EXOC4: variants seen among roughly 807,000 people sequenced by gnomAD.
EXOC4 encodes the protein SEC8-like 1.
Under a neutral mutation model 107.2 loss-of-function variants are expected in EXOC4, and 71 were observed. The ratio of observed to expected loss-of-function variants is 0.66; its 90% CI spans 0.55 to 0.81. EXOC4 has a LOEUF of 0.81. EXOC4 is among the 30% of genes least tolerant of loss of function. The probability of loss-of-function intolerance (pLI) is 0.00; values close to 1 mark genes in which losing one functional copy is unlikely to be tolerated. For missense variants in EXOC4, 1,108 were observed against 1,189.6 expected, an observed-to-expected ratio of 0.93 and a Z score of 1.01; for synonymous variants, 456 against 441.2, an observed-to-expected ratio of 1.03 and a Z score of -0.42.
chr7:133,454,800 A>G (rs1047789083), intron 7 of EXOC4, among the ~76,000 whole-genome samples: 1 of 152,104 alleles, frequency 6.6e-6, no homozygotes, highest in African/African-American at 2.4e-5. Flanking sequence ...CACTCTATAT[A>G]CTATGATTAA....
At chr7:133,302,061 G>T (rs1035690421) in intron 3 of EXOC4, among the ~76,000 whole-genome samples, 1 of 151,960 alleles carries the variant, frequency 6.6e-6, no homozygotes, top group South Asian at 2.1e-4. Flanking sequence ...TTCCTTTGTT[G>T]TAGACTTATA....
rs137989393 is a variant in EXOC4 at position 134,008,754 on chromosome 7, G to A, written c.2687+919G>A. On this transcript the variant is annotated intron_variant, in intron 17 of 17. Coordinates refer to ENST00000253861, the MANE Select transcript of EXOC4 (RefSeq NM_021807.4). Reference sequence around the variant, plus strand: ...AATTCCTAGGCTCAAGGGATCCTCCGAGGAGCTGGGACTAAAGGCGAACAC... The same window carrying A: ...AATTCCTAGGCTCAAGGGATCCTCCAAGGAGCTGGGACTAAAGGCGAACAC... 5.0e-3 allele frequency among the ~76,000 whole-genome samples: 765 copies of A among 151,852 alleles called. 5 individuals carry two copies. Among genetic ancestry groups the A allele is most frequent in the African/African-American group, 0.017 (722 of 41,402 alleles).
chr7:133,273,206 A>C (rs1050676335), intron 1 of EXOC4, among the ~76,000 whole-genome samples: 1 of 152,264 alleles, frequency 6.6e-6, no homozygotes, highest in Non-Finnish European at 1.5e-5. Flanking sequence ...TCATTAAAAC[A>C]ACAAGAAGAC....
At chr7:133,401,593 T>C (rs1584887350) in intron 7 of EXOC4, among the ~76,000 whole-genome samples, 1 of 151,592 alleles carries the variant, frequency 6.6e-6, no homozygotes, top group Non-Finnish European at 1.5e-5. Flanking sequence ...ACACAGGAGG[T>C]TAAGGCTGCA....
chr7:133,256,978 T>A (rs1055600129), intron 1 of EXOC4, among the ~76,000 whole-genome samples: 2 of 152,234 alleles, frequency 1.3e-5, no homozygotes, highest in African/African-American at 4.8e-5. Flanking sequence ...GTAATGCAAG[T>A]ATTATATGAT....
intron 14 of EXOC4, among the ~76,000 whole-genome samples, chr7:133,944,502 T>C (rs1239152496): frequency 6.6e-6 from 1 of 152,162 alleles, no homozygotes; most frequent in Non-Finnish European, 1.5e-5. Flanking sequence ...ATATCATCAG[T>C]GTAACTGATT....
In EXOC4 at chr7:133,930,144, C is replaced by T. The variant is rs57056543; in HGVS notation, c.2028-7747C>T. ...TGATTATTGGTTATTTTACTCCTAT[C>T]ACCTGGTAATCTATTTTGAAGTTCA... is the stretch of plus-strand genomic sequence containing the variant. On this transcript the variant is annotated intron_variant, in intron 13 of 17. Transcript: ENST00000253861. 4.8e-3 allele frequency among the ~76,000 whole-genome samples: 738 copies of T among 152,278 alleles called. 10 individuals carry two copies. Among genetic ancestry groups the T allele is most frequent in the African/African-American group, 0.017 (712 of 41,544 alleles).
chr7:133,772,058 TGA>T (rs953534893), intron 10 of EXOC4, among the ~76,000 whole-genome samples: 17 of 152,076 alleles, frequency 1.1e-4, no homozygotes, highest in African/African-American at 3.9e-4. Context: ...TCTGGGAAGT[TGA>T]AGGACAGGAG....
chr7:133,503,894 T>G (rs963830979), intron 9 of EXOC4, among the ~76,000 whole-genome samples: 41 of 151,334 alleles, frequency 2.7e-4, no homozygotes, highest in African/African-American at 9.5e-4. Flanking sequence ...ATTAGAGGGG[T>G]GGGGAGCAGG....
At chr7:133,884,681 C>G (rs562045487) in intron 11 of EXOC4, among the ~76,000 whole-genome samples, 80 of 149,892 alleles carry the variant, frequency 5.3e-4, no homozygotes, top group South Asian at 1.7e-3. Flanking sequence ...TTTCTCTGAC[C>G]ATATAGAACC....
intron 10 of EXOC4, among the ~76,000 whole-genome samples, chr7:133,791,271 A>G (rs1378168141): frequency 6.6e-6 from 1 of 152,196 alleles, no homozygotes; most frequent in Non-Finnish European, 1.5e-5. Flanking sequence ...GTATTTATGA[A>G]TATGAATGCA....
chr7:133,659,689 T>G (rs1310613897), intron 10 of EXOC4, among the ~76,000 whole-genome samples: 1 of 152,162 alleles, frequency 6.6e-6, no homozygotes, highest in Non-Finnish European at 1.5e-5. Context: ...GAGCAGGCTC[T>G]TAGGTGATTT....
intron 10 of EXOC4, among the ~76,000 whole-genome samples, chr7:133,695,952 T>C (rs2151082114): frequency 6.6e-6 from 1 of 152,380 alleles, no homozygotes; most frequent in African/African-American, 2.4e-5. Context: ...TATATGAAGA[T>C]TAACATATAA....
At chr7:133,669,167 C>T (rs1009681024) in intron 10 of EXOC4, among the ~76,000 whole-genome samples, 8 of 152,030 alleles carry the variant, frequency 5.3e-5, no homozygotes, top group South Asian at 2.1e-4. Flanking sequence ...TTTTCCCCCT[C>T]GCTCAGGGAG....
chr7:133,443,290 A>G (rs554842563), intron 7 of EXOC4, among the ~76,000 whole-genome samples: 2 of 152,256 alleles, frequency 1.3e-5, no homozygotes, highest in East Asian at 3.9e-4. Context: ...AGGAGACCCT[A>G]GCAGGAGAGG....
At chr7:133,862,549 G>A (rs1489320214) in intron 11 of EXOC4, among the ~76,000 whole-genome samples, 4 of 152,094 alleles carry the variant, frequency 2.6e-5, no homozygotes, top group African/African-American at 7.2e-5. Context: ...TTATTTTGGG[G>A]TTTGATTGAT....
intron 11 of EXOC4, among the ~76,000 whole-genome samples, chr7:133,821,107 A>G (rs1302398710): frequency 6.6e-6 from 1 of 152,200 alleles, no homozygotes; most frequent in East Asian, 1.9e-4. Context: ...AGAAGTAAAA[A>G]CAGTAATGAT....
intron 10 of EXOC4, among the ~76,000 whole-genome samples, chr7:133,757,911 A>G (rs976529853): frequency 9.2e-5 from 14 of 152,346 alleles, no homozygotes; most frequent in Non-Finnish European, 2.9e-5. Flanking sequence ...TGACACAAGT[A>G]AATGGGAAAA....
intron 11 of EXOC4, among the ~76,000 whole-genome samples, chr7:133,861,315 G>T (rs1798528776): frequency 6.6e-6 from 1 of 152,148 alleles, no homozygotes; most frequent in Non-Finnish European, 1.5e-5. Flanking sequence ...TACTATGCTA[G>T]TTACCTGGGT....
Sources: allele counts gnomAD v4.1 joint callset (sites outside exome capture counted in the v4.1 genomes callset), GRCh38; gene constraint gnomAD v4.1.1; transcripts MANE v1.5; gene names NCBI Gene and HGNC (gene_info 2026-07-23, HGNC 2026-07-21).